The following PSMD9 variants were observed in gnomAD, a reference collection of about 807,000 sequenced individuals.
The protein encoded by PSMD9 is 26S proteasome non-ATPase regulatory subunit 9.
A neutral mutation model predicts 25.9 loss-of-function variants in PSMD9; 26 were observed. The ratio of observed to expected loss-of-function variants is 1.00; its 90% CI spans 0.73 to 1.39. The LOEUF is 1.39. PSMD9 is among the 40% of genes most tolerant of loss of function. The pLI is 0.00. For missense variants in PSMD9, 303 were observed against 299.3 expected (o/e 1.01, Z -0.09); for synonymous variants, 110 against 114.5 (o/e 0.96, Z 0.25).
intron 4 of PSMD9, among the ~76,000 whole-genome samples, chr12:121,912,711 C>A (rs1879761135): frequency 6.6e-6 from 1 of 151,388 alleles, no homozygotes; most frequent in Admixed American, 6.6e-5. Context: ...GAAAAAAATA[C>A]AAAAATTAGC....
At chr12:121,899,974 A>G (rs1879344448) in intron 3 of PSMD9, 129 bp downstream of exon 3, 2 of 1,088,242 alleles carry the variant, frequency 1.8e-6, no homozygotes, top group Admixed American at 2.1e-5. Flanking sequence ...TCATTTAACA[A>G]ACACTGACTG....
At chr12:121,910,966 T>C (rs1199639734) in intron 4 of PSMD9, 1 of 456,534 alleles carries the variant, frequency 2.2e-6, no homozygotes, top group Non-Finnish European at 4.4e-6. Context: ...CATCCTACTT[T>C]CTGTCTCTAT....
At chr12:121,913,619 G>C (rs1284302686) in intron 4 of PSMD9, among the ~76,000 whole-genome samples, 1 of 150,752 alleles carries the variant, frequency 6.6e-6, no homozygotes, top group Non-Finnish European at 1.5e-5. Context: ...AGCCTCCCAA[G>C]TAGCTGGGAC....
intron 2 of PSMD9, chr12:121,898,808 G>A (rs12310449): frequency 0.042 from 6,347 of 152,808 alleles, 424 homozygotes; most frequent in African/African-American, 0.14. Context: ...TGCAATCTCC[G>A]CCTCCCTGGT....
At chr12:121,915,829 C>T (rs777440828) in intron 4 of PSMD9, 27 bp from the exon 5 acceptor site, 9 of 1,586,690 alleles carry the variant, frequency 5.7e-6, no homozygotes, top group Non-Finnish European at 7.8e-6. Context: ...CGAGGCTGAA[C>T]ACGAAATGAG....
At position 121,918,221 on chromosome 12, in the gene PSMD9, T is replaced by G. The variant is rs1363186610; in HGVS notation, c.*1910T>G. On this transcript the variant is annotated 3_prime_UTR_variant, in exon 6 of 6. Transcript: ENST00000541212. The surrounding 1 kb of genome is among the most constrained non-coding windows in gnomAD (Gnocchi z 4.3). ...ATTGTCTGCAACACGCGGTGCCCGG[T>G]GAGGAGGCAGGCAGGACGGTTGTGT... 6.6e-6 allele frequency: 1 copy of G among 152,184 alleles called. No homozygotes were observed. The highest frequency in any genetic ancestry group is 1.5e-5 in the Non-Finnish European group (1 of 68,088). The allele number at this position is 152,184 out of a possible 1,614,324, so 9.4% of individuals were successfully genotyped here.
chr12:121,897,779 C>G (rs188514998), intron 2 of PSMD9: 2 of 152,212 alleles, frequency 1.3e-5, no homozygotes, highest in East Asian at 1.9e-4. Context: ...CTGCCCGCCT[C>G]GGCCTCGCAA....
chr12:121,895,792 A>G (rs1879212360), intron 2 of PSMD9, among the ~76,000 whole-genome samples: 1 of 152,172 alleles, frequency 6.6e-6, no homozygotes, highest in Non-Finnish European at 1.5e-5. Context: ...AAGGTCCTTA[A>G]TCACATCTGC....
chr12:121,916,187 TGAAA>T, intron 5 of PSMD9, 93 bp from the exon 6 acceptor site: 1 of 1,510,412 alleles, frequency 6.6e-7, no homozygotes, highest in Non-Finnish European at 9.2e-7. Context: ...TTTAAAAGAA[TGAAA>T]GAACATTGGT....
At chr12:121,913,055 G>C (rs1321115666) in intron 4 of PSMD9, among the ~76,000 whole-genome samples, 1 of 150,646 alleles carries the variant, frequency 6.6e-6, no homozygotes, top group Non-Finnish European at 1.5e-5. Flanking sequence ...TCCTGCCTCA[G>C]CCTCCCGAGT....
chr12:121,891,995 G>C (rs1879097451), intron 1 of PSMD9, among the ~76,000 whole-genome samples: 1 of 151,282 alleles, frequency 6.6e-6, no homozygotes, highest in African/African-American at 2.4e-5. Context: ...CCTTGGATTA[G>C]GCAAAGCCTT....
chr12:121,889,063 A>T (rs1308163351), intron 1 of PSMD9, 69 bp downstream of exon 1: 2 of 1,522,028 alleles, frequency 1.3e-6, no homozygotes, highest in Admixed American at 4.1e-5. Context: ...CTGGGATGCC[A>T]GGGCGGCCTC....
At chr12:121,890,261 G>C (rs1879028539) in intron 1 of PSMD9, among the ~76,000 whole-genome samples, 1 of 152,026 alleles carries the variant, frequency 6.6e-6, no homozygotes, top group Admixed American at 6.6e-5. Context: ...CATTTTACTG[G>C]GTGCTGACTA....
chr12:121,890,501 T>C (rs1879037431), intron 1 of PSMD9, among the ~76,000 whole-genome samples: 1 of 152,160 alleles, frequency 6.6e-6, no homozygotes, highest in African/African-American at 2.4e-5. Flanking sequence ...AGGGTCTCGC[T>C]CTGTTGCCCA....
chr12:121,890,627 C>T lies in PSMD9; in HGVS notation c.138+1633C>T, dbSNP rs190234126. Among the ~76,000 whole-genome samples the T allele has an allele frequency of 2.1e-3, 312 of 152,052 alleles. 1 individual carries two copies. Among genetic ancestry groups the T allele is most frequent in the African/African-American group, 6.9e-3 (288 of 41,480 alleles). ...AGACTGCAGGTACGTGCCACCACGC[C>T]CAGCTAATTTTTGTATTTTTTGTAG... On this transcript the variant is annotated intron_variant, in intron 1 of 5. Coordinates refer to ENST00000541212, the MANE Select transcript of PSMD9 (RefSeq NM_002813.7).
At chr12:121,912,882 A>G (rs944567538) in intron 4 of PSMD9, among the ~76,000 whole-genome samples, 26 of 151,028 alleles carry the variant, frequency 1.7e-4, no homozygotes, top group African/African-American at 6.1e-4. Flanking sequence ...AAAAAAAAAA[A>G]AAAAAGAAAG....
chr12:121,898,275 A>G (rs1879290410), intron 2 of PSMD9: 1 of 152,248 alleles, frequency 6.6e-6, no homozygotes. Context: ...TCAAAATACC[A>G]GCTGCTGTGC....
At chr12:121,906,816 C>CA (rs577687349) in intron 4 of PSMD9, among the ~76,000 whole-genome samples, 5,802 of 134,664 alleles carry the variant, frequency 0.043, 374 homozygotes, top group African/African-American at 0.14. Context: ...TCTCCCATCT[C>CA]AAAAAAAAAA....
At chr12:121,906,799 G>A (rs1002975052) in intron 4 of PSMD9, among the ~76,000 whole-genome samples, 3 of 150,322 alleles carry the variant, frequency 2.0e-5, no homozygotes, top group South Asian at 2.1e-4. Flanking sequence ...GGGCCGCACA[G>A]CGAGACTCTC....
Sources: gnomAD v4.1 joint callset for allele counts (sites outside exome capture counted in the v4.1 genomes callset) on GRCh38, gnomAD v4.1.1 for gene constraint, Gnocchi (gnomAD v3.1) non-coding constraint, MANE v1.5 for transcripts, NCBI Gene and HGNC (gene_info 2026-07-23, HGNC 2026-07-21) for gene names.